ZNF652: variants seen among roughly 807,000 people sequenced by gnomAD.
ZNF652 encodes zinc finger protein 652.
In ZNF652, 16 loss-of-function variants were observed where a neutral mutation model predicts 45.2. That is an observed-to-expected ratio of 0.35 (90% CI 0.24 to 0.54). ZNF652 has a LOEUF of 0.54. Ranked by LOEUF, ZNF652 falls within the 20% of genes least tolerant of loss-of-function variation. ZNF652 has a pLI of 0.91. For missense variants in ZNF652, 614 were observed against 765.6 expected (o/e 0.80, Z 2.34); for synonymous variants, 250 against 260.6 (o/e 0.96, Z 0.39).
intron 1 of ZNF652, among the ~76,000 whole-genome samples, chr17:49,354,008 C>A (rs1282325345): frequency 6.6e-6 from 1 of 152,114 alleles, no homozygotes; most frequent in Non-Finnish European, 1.5e-5. Context: ...GATTGGAAGG[C>A]AGAACAAACT....
chr17:49,330,657 C>T (rs1282662277), intron 1 of ZNF652, among the ~76,000 whole-genome samples: 1 of 151,622 alleles, frequency 6.6e-6, no homozygotes, highest in Non-Finnish European at 1.5e-5. Flanking sequence ...CCACACCTGG[C>T]CAAAATACAA....
At chr17:49,348,193 A>G (rs1025098457) in intron 1 of ZNF652, among the ~76,000 whole-genome samples, 2 of 152,136 alleles carry the variant, frequency 1.3e-5, no homozygotes, top group Admixed American at 6.6e-5. Context: ...TGGATTCCTC[A>G]ACAAAAAACT....
rs1379768579 is a variant in ZNF652 at position 49,362,225 on chromosome 17, CG to C, written c.-576del. On this transcript the variant is annotated 5_prime_UTR_variant, in exon 1 of 6. Coordinates refer to ENST00000430262, the MANE Select transcript of ZNF652 (RefSeq NM_001145365.3). ...GGTGTGCGTGTGTGGATGTGTGTGC[CG>C]GAGGGGGCAGGGAGGGAGGCGAGCG... 1 of 150,506 alleles carries C rather than the reference CG, an allele frequency of 6.6e-6. No individual in the cohort carries two copies. Among genetic ancestry groups the C allele is most frequent in the Non-Finnish European group, 1.5e-5 (1 of 67,200 alleles). 9.3% of individuals were successfully genotyped at this position (150,506 alleles called of 1,614,324 possible).
chr17:49,356,652 C>G (rs183010555), intron 1 of ZNF652, among the ~76,000 whole-genome samples: 2 of 148,210 alleles, frequency 1.3e-5, no homozygotes, highest in East Asian at 3.9e-4. Context: ...CAAAGACCAC[C>G]ATATTTCAAT....
rs1356856664 is a variant in ZNF652, at chr17:49,362,207, G to GT, written c.-558dup. On this transcript the variant is annotated 5_prime_UTR_variant, in exon 1 of 6. Coordinates refer to ENST00000430262, the MANE Select transcript of ZNF652 (RefSeq NM_001145365.3). ...GCGGGCGGCAGGGGAGGGGGTGTGC[G>GT]TGTGTGGATGTGTGTGCCGGAGGGG... 6.6e-6 allele frequency: 1 copy of GT among 150,744 alleles called. No individual in the cohort carries two copies. The highest frequency in any genetic ancestry group is 2.4e-5 in the African/African-American group (1 of 41,188). 9.3% of individuals were successfully genotyped at this position (150,744 alleles called of 1,614,324 possible).
At chr17:49,352,136 G>A (rs2070289268) in intron 1 of ZNF652, among the ~76,000 whole-genome samples, 1 of 151,972 alleles carries the variant, frequency 6.6e-6, no homozygotes, top group Non-Finnish European at 1.5e-5. Context: ...TAACTCCAAT[G>A]GACAAACTGT....
intron 1 of ZNF652, among the ~76,000 whole-genome samples, chr17:49,341,771 A>G (rs2070149898): frequency 6.6e-6 from 1 of 152,222 alleles, no homozygotes; most frequent in Non-Finnish European, 1.5e-5. Context: ...CCGTAATTAA[A>G]ACACAAACCC....
In ZNF652 at chr17:49,312,716, CAT is replaced by C. The variant is rs747634883; in HGVS notation, c.1028_1029del (p.His343ArgfsTer43). Reference sequence around the variant, plus strand: ...AACTTACCAACCATGTGTTTCCGCACATGAGCCATGGTATAGAATTTCTTCTC... The same window carrying C: ...AACTTACCAACCATGTGTTTCCGCACGAGCCATGGTATAGAATTTCTTCTC... ...ICEKKFYTMAHVRKHMVAHTK... is the reference protein window; with the variant it reads ...ICEKKFYTMAXVRKHMVAHTK... On this transcript the variant is annotated frameshift_variant, in exon 3 of 6. Transcript: ENST00000430262. LOFTEE classifies it high-confidence loss of function. 1.9e-6 allele frequency: 3 copies of C among 1,613,578 alleles called. No homozygotes were observed. The highest frequency in any genetic ancestry group is 2.5e-6 in the Non-Finnish European group (3 of 1,179,924).
chr17:49,353,770 C>T (rs2070306770), intron 1 of ZNF652, among the ~76,000 whole-genome samples: 5 of 152,140 alleles, frequency 3.3e-5, no homozygotes, highest in Admixed American at 3.3e-4. Flanking sequence ...TGCACTGCTT[C>T]TTACTGTGGA....
chr17:49,345,392 G>T (rs911044973), intron 1 of ZNF652, among the ~76,000 whole-genome samples: 3 of 150,934 alleles, frequency 2.0e-5, no homozygotes, highest in African/African-American at 7.3e-5. Context: ...TAGTAGAAAC[G>T]GGGTTTCACC....
In ZNF652 at chr17:49,312,023, T is replaced by C. The variant is rs1377443342; in HGVS notation, c.1068A>G (p.Pro356=). The C allele has an allele frequency of 1.5e-5, 25 of 1,613,672 alleles. No homozygotes were observed. Among genetic ancestry groups the C allele is most frequent in the Non-Finnish European group, 2.0e-5 (24 of 1,179,732 alleles). The change falls in exon 4 of 6, where the codon CCA becomes CCG. Residue 356 remains proline, a synonymous_variant. Coordinates refer to ENST00000430262, the MANE Select transcript of ZNF652 (RefSeq NM_001145365.3). ...ATTTTCCACAGGTTTCGCATGTAAA[T>C]GGCATGTCTTTTGTGTGTGCTGCAA... The part of the protein sequence containing the change: ...KHMVAHTKDM[P]FTCETCGKSF...
At chr17:49,300,373 A>T (rs2069535602) in intron 5 of ZNF652, among the ~76,000 whole-genome samples, 1 of 152,212 alleles carries the variant, frequency 6.6e-6, no homozygotes, top group African/African-American at 2.4e-5. Flanking sequence ...CCAGCGAGTC[A>T]AAACAGGAGA....
intron 1 of ZNF652, among the ~76,000 whole-genome samples, chr17:49,320,246 C>T (rs990199207): frequency 6.6e-6 from 1 of 152,152 alleles, no homozygotes; most frequent in African/African-American, 2.4e-5. Context: ...ATTTTCTCTT[C>T]CATTTCCTTT....
In ZNF652 at chr17:49,311,995, A is replaced by C; in HGVS notation, c.1096T>G (p.Phe366Val). 1 of 1,614,004 alleles carries C rather than the reference A, an allele frequency of 6.2e-7. No individual in the cohort carries two copies. The highest frequency in any genetic ancestry group is 8.5e-7 in the Non-Finnish European group (1 of 1,179,890). ...PFTCETCGKS[F>V]KRSMSLKVHS... is the part of the protein sequence containing the mutation. ...ACCTTGAGTGACATACTGCGTTTGAATGATTTTCCACAGGTTTCGCATGTA... is the reference window on the plus strand; with the variant it reads ...ACCTTGAGTGACATACTGCGTTTGACTGATTTTCCACAGGTTTCGCATGTA... Residue 366 changes from phenylalanine to valine, a missense_variant, in exon 4 of 6, where the codon TTC (phenylalanine) becomes GTC (valine). By Grantham distance (50) the Phe-to-Val change is conservative. Around this residue, in one of 5 missense-constraint regions of ZNF652, gnomAD observed 262 missense variants for 306.3 expected, o/e 0.86. Coordinates refer to ENST00000430262, the MANE Select transcript of ZNF652 (RefSeq NM_001145365.3).
Position 49,292,768 on chromosome 17 carries a change from C to T in ZNF652, c.*5645G>A, listed in dbSNP as rs747316736. Among the ~76,000 whole-genome samples, 4 of 151,822 alleles carry T rather than the reference C, an allele frequency of 2.6e-5. No homozygotes were observed. The highest frequency in any genetic ancestry group is 3.9e-4 in the East Asian group (2 of 5,194). On this transcript the variant is annotated 3_prime_UTR_variant, in exon 6 of 6. Coordinates refer to ENST00000430262, the MANE Select transcript of ZNF652 (RefSeq NM_001145365.3). ...AGGATAAAATCTTTCAACAGAGAGACGAAATATGTGAAGAAATAAGATATA... is the reference window on the plus strand; with the variant it reads ...AGGATAAAATCTTTCAACAGAGAGATGAAATATGTGAAGAAATAAGATATA...
chr17:49,307,435 G>GAAAA (rs1175854049), intron 5 of ZNF652, among the ~76,000 whole-genome samples: 17 of 40,476 alleles, frequency 4.2e-4, no homozygotes, highest in Non-Finnish European at 5.3e-4. Flanking sequence ...TGTCTCAAAA[G>GAAAA]AAAAAAAAAA....
rs779042339 is a variant in ZNF652, at chr17:49,303,247, C to CTTTTTTTTTTTTTTTT, written c.1310-4324_1310-4323insAAAAAAAAAAAAAAAA. Among the ~76,000 whole-genome samples the CTTTTTTTTTTTTTTTT allele has an allele frequency of 3.4e-4, 42 of 121,768 alleles. 3 individuals are homozygous for CTTTTTTTTTTTTTTTT. Among genetic ancestry groups the CTTTTTTTTTTTTTTTT allele is most frequent in the African/African-American group, 8.0e-4 (24 of 30,164 alleles). 79.9% of individuals were successfully genotyped at this position (121,768 alleles called of 152,430 possible). On this transcript the variant is annotated intron_variant, in intron 5 of 5. Transcript: ENST00000430262. ...GTGATGTTTTATTCTTTACGCTTAT[C>CTTTTTTTTTTTTTTTT]TTTTTTTTTTTGAGACAGGGTCTCA... is the stretch of plus-strand genomic sequence containing the variant.
chr17:49,315,042 GTTT>G (rs11342868), intron 2 of ZNF652, among the ~76,000 whole-genome samples: 1 of 134,218 alleles, frequency 7.5e-6, no homozygotes, highest in East Asian at 2.2e-4. Flanking sequence ...GTTTTAGTTT[GTTT>G]TTTTTTTTTT....
Position 49,316,902 on chromosome 17 carries a change from T to C in ZNF652, c.824A>G (p.Asp275Gly), listed in dbSNP as rs1371837142. Residue 275 changes from aspartate (D) to glycine (G), a missense_variant, in exon 2 of 6, where the codon GAT becomes GGT. Physicochemically the swap from Asp to Gly is moderately conservative, Grantham distance 94. Transcript: ENST00000430262. ...CAGGACAAACTTCTTGCCACATTTA[T>C]CACAAATCTGCATGCGCCTATGAGT... ...NVTHRRMQIC[D>G]KCGKKFVLES... 1 of 1,614,170 alleles carries C rather than the reference T, an allele frequency of 6.2e-7. No individual in the cohort carries two copies. The highest frequency in any genetic ancestry group is 1.6e-4 in the Middle Eastern group (1 of 6,062).
Sources: gnomAD v4.1 joint callset for allele counts (sites outside exome capture counted in the v4.1 genomes callset) on GRCh38, gnomAD v4.1.1 for gene constraint, gnomAD v4.1.1 regional missense constraint, MANE v1.5 for transcripts, NCBI Gene and HGNC (gene_info 2026-07-23, HGNC 2026-07-21) for gene names.